Variants in JOSD1 observed in about 807,000 individuals in gnomAD.
JOSD1 encodes Josephin domain containing 1, also known as josephin-1.
A neutral mutation model predicts 24.3 loss-of-function variants in JOSD1; 11 were observed. That is an observed-to-expected ratio of 0.45 (90% confidence interval 0.29 to 0.75). The LOEUF (loss-of-function observed/expected upper bound fraction) is 0.75, where lower values mean the gene tolerates loss of function less well. Ranked by LOEUF, JOSD1 falls within the 30% of genes least tolerant of loss-of-function variation. JOSD1 has a pLI of 0.11. For missense variants in JOSD1, 184 were observed against 253.5 expected (o/e 0.73, Z 1.86); for synonymous variants, 106 against 93.8 (o/e 1.13, Z -0.75).
Position 38,700,347 on chromosome 22 carries a change from C to T in JOSD1, c.-360G>A. 1 of 1,004,512 alleles carries T rather than the reference C, an allele frequency of 1.0e-6. No homozygotes were observed. Among genetic ancestry groups the T allele is most frequent in the Non-Finnish European group, 1.2e-6 (1 of 843,574 alleles). 62.2% of individuals were successfully genotyped at this position (1,004,512 alleles called of 1,614,324 possible). A position where few individuals can be genotyped will look rare whatever the true frequency, so the allele number is the denominator to read the frequency against. On this transcript the variant is annotated 5_prime_UTR_variant, in exon 2 of 5. Coordinates refer to ENST00000683374, the MANE Select transcript of JOSD1 (RefSeq NM_001360236.2). ...TTCTTGCTGTTTCCCTCTGCAAATG[C>T]CAGGCCTCAAAGCAGGAGGACCGAA... is the stretch of plus-strand genomic sequence containing the variant.
Position 38,700,311 on chromosome 22 carries a change from T to G in JOSD1, c.-324A>C, listed in dbSNP as rs1209100347. 4 of 191,108 alleles carry G rather than the reference T, an allele frequency of 2.1e-5. No individual in the cohort carries two copies. Among genetic ancestry groups the G allele is most frequent in the Non-Finnish European group, 2.8e-5 (4 of 142,830 alleles). The allele number at this position is 191,108 out of a possible 1,614,324, so 11.8% of individuals were successfully genotyped here. A position where few individuals can be genotyped will look rare whatever the true frequency, so the allele number is the denominator to read the frequency against. On this transcript the variant is annotated 5_prime_UTR_variant, in exon 2 of 5. Transcript: ENST00000683374. ...CCTTCCCTCCCACCCCCCTCCAAAATCCCCACGATTTTCTTGCTGTTTCCC... is the reference window on the plus strand; with the variant it reads ...CCTTCCCTCCCACCCCCCTCCAAAAGCCCCACGATTTTCTTGCTGTTTCCC...
Position 38,700,479 on chromosome 22 carries a change from T to C in JOSD1, c.-492A>G, listed in dbSNP as rs962792752. On this transcript the variant is annotated 5_prime_UTR_variant, in exon 2 of 5. Transcript: ENST00000683374. ...GGATAAATTTAGCGCACGAGTCGAG[T>C]AGCTAGCGCGGGCCGGCAGGCGTGG... is the stretch of plus-strand genomic sequence containing the variant. 169 of 985,962 alleles carry C rather than the reference T, an allele frequency of 1.7e-4. No individual in the cohort carries two copies. The highest frequency in any genetic ancestry group is 1.9e-4 in the Non-Finnish European group (161 of 830,456). The allele number at this position is 985,962 out of a possible 1,614,324, so 61.1% of individuals were successfully genotyped here.
rs62230028 is a variant in JOSD1, at chr22:38,686,407, C to T, written c.*1495G>A. ...CTGGCCAGTGGGACAGCTCTCAGACCTGCCACGACCATTGATCTGAGGGCC... is the reference window on the plus strand; with the variant it reads ...CTGGCCAGTGGGACAGCTCTCAGACTTGCCACGACCATTGATCTGAGGGCC... On this transcript the variant is annotated 3_prime_UTR_variant, in exon 5 of 5. Coordinates refer to ENST00000683374, the MANE Select transcript of JOSD1 (RefSeq NM_001360236.2). 0.012 allele frequency: 1,877 copies of T among 152,414 alleles called. 20 individuals are homozygous for T. Among genetic ancestry groups the T allele is most frequent in the Middle Eastern group, 0.02 (6 of 294 alleles). The allele number at this position is 152,414 out of a possible 1,614,324, so 9.4% of individuals were successfully genotyped here.
At chr22:38,688,555 C>T (rs1251680578) in intron 4 of JOSD1, among the ~76,000 whole-genome samples, 1 of 152,154 alleles carries the variant, frequency 6.6e-6, no homozygotes, top group Non-Finnish European at 1.5e-5. Flanking sequence ...GAGCAATCGC[C>T]TCTAAAGAAC....
chr22:38,695,331 T>C (rs1405396871), intron 2 of JOSD1, among the ~76,000 whole-genome samples: 2 of 152,184 alleles, frequency 1.3e-5, no homozygotes, highest in Non-Finnish European at 2.9e-5. Flanking sequence ...GAGGCTGGAA[T>C]AGTCATCCTC....
At chr22:38,690,070 G>A (rs1487050629) in intron 2 of JOSD1, among the ~76,000 whole-genome samples, 1 of 152,112 alleles carries the variant, frequency 6.6e-6, no homozygotes, top group African/African-American at 2.4e-5. Context: ...TTTACTTCCA[G>A]GTTTCTTTAG....
At position 38,700,902 on chromosome 22, in the gene JOSD1, A is replaced by C. The variant is rs1407275107; in HGVS notation, c.-734T>G. The C allele has an allele frequency of 1.0e-6, 1 of 983,996 alleles. No homozygotes were observed. The highest frequency in any genetic ancestry group is 1.2e-6 in the Non-Finnish European group (1 of 829,572). 61.0% of individuals were successfully genotyped at this position (983,996 alleles called of 1,614,324 possible). ...ACTGCTCGCCGCTGGCGGTCCCCTC[A>C]CCGCAGCCGGCCGCCACCTGGAGTG... On this transcript the variant is annotated 5_prime_UTR_variant, in exon 1 of 5. Coordinates refer to ENST00000683374, the MANE Select transcript of JOSD1 (RefSeq NM_001360236.2).
At position 38,686,254 on chromosome 22, in the gene JOSD1, T is replaced by C. The variant is rs2092497285; in HGVS notation, c.*1648A>G. The C allele has an allele frequency of 6.6e-6, 1 of 152,514 alleles. No homozygotes were observed. The highest frequency in any genetic ancestry group is 2.1e-4 in the South Asian group (1 of 4,820). The allele number at this position is 152,514 out of a possible 1,614,324, so 9.4% of individuals were successfully genotyped here. A position where few individuals can be genotyped will look rare whatever the true frequency, so the allele number is the denominator to read the frequency against. ...ACGGCCTTGTTGGATTGAAGATACA[T>C]GTGCAGAAAAAGTGCTGGTGTCAAC... On this transcript the variant is annotated 3_prime_UTR_variant, in exon 5 of 5. Transcript: ENST00000683374.
chr22:38,687,936 A>G lies in JOSD1; in HGVS notation c.575T>C (p.Val192Ala). The change falls in exon 5 of 5, where the codon GTA (valine) becomes GCA (alanine). Residue 192 changes from valine to alanine, a missense_variant. By Grantham distance (64) the Val-to-Ala change is moderately conservative. Transcript: ENST00000683374. ...CELLLVVPEE[V>A]EAHQSWRTDV Reference sequence around the variant, plus strand: ...GGTCCTCCAACTCTGATGAGCCTCTACCTCTTCTGGTACCACCAGCAGGAG... The same window carrying G: ...GGTCCTCCAACTCTGATGAGCCTCTGCCTCTTCTGGTACCACCAGCAGGAG... 1 of 1,613,832 alleles carries G rather than the reference A, an allele frequency of 6.2e-7. No homozygotes were observed. The highest frequency in any genetic ancestry group is 8.5e-7 in the Non-Finnish European group (1 of 1,179,764).
intron 2 of JOSD1, among the ~76,000 whole-genome samples, chr22:38,689,677 C>CTT (rs527263886): frequency 6.9e-6 from 1 of 145,832 alleles, no homozygotes; most frequent in African/African-American, 2.5e-5. Flanking sequence ...TCATGCAAGC[C>CTT]TTTTTTTTTT....
intron 2 of JOSD1, 85 bp downstream of exon 2, chr22:38,699,718 G>T: frequency 7.8e-7 from 1 of 1,286,868 alleles, no homozygotes; most frequent in South Asian, 1.2e-5. Flanking sequence ...CTACAGCTTT[G>T]AAGGTTTATG....
Position 38,696,628 on chromosome 22 carries a change from A to G in JOSD1, c.185+3175T>C, listed in dbSNP as rs146380660. ...ACTTGCCCAGTTTATCTTTTCTCCA[A>G]TTTCACAGGTTGAAAACAGATGCTT... is the stretch of plus-strand genomic sequence containing the variant. On this transcript the variant is annotated intron_variant, in intron 2 of 4. Coordinates refer to ENST00000683374, the MANE Select transcript of JOSD1 (RefSeq NM_001360236.2). Among the ~76,000 whole-genome samples the G allele has an allele frequency of 4.7e-4, 72 of 152,208 alleles. 1 individual carries two copies. In the East Asian group the frequency reaches 0.013, roughly 28 times the overall value.
chr22:38,692,820 G>C (rs1036371509), intron 2 of JOSD1, among the ~76,000 whole-genome samples: 2 of 142,266 alleles, frequency 1.4e-5, no homozygotes, highest in Admixed American at 6.9e-5. Context: ...GAAAAAAAGA[G>C]AACAGAACAC....
At chr22:38,693,728 CCT>C (rs1376137269) in intron 2 of JOSD1, among the ~76,000 whole-genome samples, 1 of 152,144 alleles carries the variant, frequency 6.6e-6, no homozygotes, top group Non-Finnish European at 1.5e-5. Flanking sequence ...TGCCCAGCAG[CCT>C]CTATTCTTTT....
chr22:38,689,947 T>TGTG lies in JOSD1; in HGVS notation c.186-524_186-523insCAC, dbSNP rs60712690. ...GTGTGTGTGTGTGTGTGTGTGTGTG[T>TGTG]AGTACTTGAATAAATTTTTCTTAAA... On this transcript the variant is annotated intron_variant, in intron 2 of 4. Transcript: ENST00000683374. 4.8e-5 allele frequency among the ~76,000 whole-genome samples: 7 copies of TGTG among 145,802 alleles called. No individual in the cohort carries two copies. In the East Asian group the frequency reaches 1.0e-3, roughly 21 times the overall value.
chr22:38,692,003 T>TC (rs1265911026), intron 2 of JOSD1, among the ~76,000 whole-genome samples: 2 of 152,196 alleles, frequency 1.3e-5, no homozygotes, highest in African/African-American at 4.8e-5. Context: ...ATTTTTGTTG[T>TC]CCTTCTCTTT....
intron 2 of JOSD1, among the ~76,000 whole-genome samples, chr22:38,698,453 C>T (rs553675620): frequency 6.6e-6 from 1 of 152,320 alleles, no homozygotes; most frequent in African/African-American, 2.4e-5. Context: ...TTTTACAAAT[C>T]ACCCCAAATA....
chr22:38,687,501 T>C lies in JOSD1; in HGVS notation c.*401A>G, dbSNP rs147284738. 3.4e-4 allele frequency: 64 copies of C among 190,736 alleles called. No individual in the cohort carries two copies. Among genetic ancestry groups the C allele is most frequent in the Non-Finnish European group, 6.0e-4 (56 of 93,026 alleles). 11.8% of individuals were successfully genotyped at this position (190,736 alleles called of 1,614,324 possible). A position where few individuals can be genotyped will look rare whatever the true frequency, so the allele number is the denominator to read the frequency against. On this transcript the variant is annotated 3_prime_UTR_variant, in exon 5 of 5. Coordinates refer to ENST00000683374, the MANE Select transcript of JOSD1 (RefSeq NM_001360236.2). ...TTGTGGGCACTATCTGCAGACCCACTGTTTTCAGACCCAGACAGGATGGAA... is the reference window on the plus strand; with the variant it reads ...TTGTGGGCACTATCTGCAGACCCACCGTTTTCAGACCCAGACAGGATGGAA...
upstream of JOSD1, chr22:38,700,958 G>C (rs565055037): frequency 3.0e-6 from 3 of 984,902 alleles, no homozygotes; most frequent in South Asian, 9.4e-5. Context: ...GCGGGCGGGC[G>C]CGCGCACCTG....
Sources: allele counts gnomAD v4.1 joint callset (sites outside exome capture counted in the v4.1 genomes callset), GRCh38; gene constraint gnomAD v4.1.1; transcripts MANE v1.5; gene names NCBI Gene and HGNC (gene_info 2026-07-23, HGNC 2026-07-21).